The following GSDME variants were observed in gnomAD, a reference collection of about 807,000 sequenced individuals.
GSDME encodes the protein gasdermin E, also known as gasdermin-E.
Under a neutral mutation model 47.5 loss-of-function variants are expected in GSDME, and 44 were observed. That is an observed-to-expected ratio of 0.93 (90% CI 0.73 to 1.19). The LOEUF is 1.19. Ranked by LOEUF, GSDME falls within the 50% of genes most tolerant of loss-of-function variation. The pLI, the probability that GSDME is intolerant of heterozygous loss-of-function variation, is 0.00. For missense variants in GSDME, 663 were observed against 604.2 expected, an observed-to-expected ratio of 1.10 and a Z score of -1.02; for synonymous variants, 258 against 252.8, an observed-to-expected ratio of 1.02 and a Z score of -0.20.
At chr7:24,770,127 G>A in the GSDME span, among the ~76,000 whole-genome samples, 1 of 152,330 alleles carries the variant, frequency 6.6e-6, no homozygotes, top group South Asian at 2.1e-4. The surrounding 1 kb of genome is among the most constrained non-coding windows in gnomAD (Gnocchi z 4.6). Flanking sequence ...CCAAGCCCCA[G>A]GGAGGGAAAA....
chr7:24,784,158 G>A, the GSDME span, among the ~76,000 whole-genome samples: 1 of 152,184 alleles, frequency 6.6e-6, no homozygotes, highest in Non-Finnish European at 1.5e-5. Context: ...TCAGGTGTGT[G>A]TTTCTTGGAA....
the GSDME span, among the ~76,000 whole-genome samples, chr7:24,769,498 G>T: frequency 6.6e-6 from 1 of 152,246 alleles, no homozygotes; most frequent in South Asian, 2.1e-4. Context: ...AACGATTGGG[G>T]TTTTATCAGA....
intron 4 of GSDME, among the ~76,000 whole-genome samples, chr7:24,718,246 C>T (rs1789642780): frequency 6.6e-6 from 1 of 152,220 alleles, no homozygotes; most frequent in Non-Finnish European, 1.5e-5. Context: ...ATACAACTTT[C>T]TGAGTTCCTC....
intron 2 of GSDME, among the ~76,000 whole-genome samples, chr7:24,746,110 C>A (rs1022809275): frequency 1.3e-5 from 2 of 152,184 alleles, no homozygotes; most frequent in African/African-American, 2.4e-5. Flanking sequence ...AAAACCCACT[C>A]CTCAACCAGG....
intron 3 of GSDME, among the ~76,000 whole-genome samples, chr7:24,722,434 A>G (rs1011834584): frequency 6.6e-6 from 1 of 152,208 alleles, no homozygotes; most frequent in African/African-American, 2.4e-5. Flanking sequence ...CAGAACATAC[A>G]TTCAACTGTT....
intron 7 of GSDME, chr7:24,707,802 A>C (rs1789176726): frequency 1.9e-6 from 1 of 520,330 alleles, no homozygotes; most frequent in Admixed American, 3.4e-5. Context: ...AAGGCAGCAG[A>C]ATTCTCTCCT....
chr7:24,715,198 G>C (rs979287772), intron 5 of GSDME, among the ~76,000 whole-genome samples: 2 of 152,136 alleles, frequency 1.3e-5, no homozygotes, highest in Non-Finnish European at 2.9e-5. Flanking sequence ...GTGGTTGCCA[G>C]GTGCTGGGAG....
chr7:24,702,003 T>A (rs1788887992), intron 9 of GSDME, among the ~76,000 whole-genome samples: 1 of 152,210 alleles, frequency 6.6e-6, no homozygotes, highest in Admixed American at 6.5e-5. Flanking sequence ...TGAGAGATGA[T>A]CCTTTGGGCC....
At chr7:24,700,668 C>T (rs934047347) in intron 9 of GSDME, among the ~76,000 whole-genome samples, 1 of 152,132 alleles carries the variant, frequency 6.6e-6, no homozygotes, top group Non-Finnish European at 1.5e-5. Context: ...GTAGATTCGC[C>T]AAATACAACT....
rs1328044170 is a variant in GSDME, at chr7:24,733,678, G to T, written c.404+10884C>A. The stretch of plus-strand genomic sequence containing the variant: ...GGGCCTGTAGTGCTGGTGGACATGG[G>T]TGAGAGTCCTCTGCCTGGGGAAAGG... On this transcript the variant is annotated intron_variant, in intron 3 of 9. Coordinates refer to ENST00000645220, the MANE Select transcript of GSDME (RefSeq NM_001127453.2). The surrounding 1 kb of genome is among the most constrained non-coding windows in gnomAD (Gnocchi z 4.3). Among the ~76,000 whole-genome samples, 1 of 152,178 alleles carries T rather than the reference G, an allele frequency of 6.6e-6. No individual in the cohort carries two copies. Among genetic ancestry groups the T allele is most frequent in the African/African-American group, 2.4e-5 (1 of 41,448 alleles).
At chr7:24,785,161 T>G in the GSDME span, among the ~76,000 whole-genome samples, 33 of 152,322 alleles carry the variant, frequency 2.2e-4, no homozygotes, top group African/African-American at 7.5e-4. Context: ...GCTACGCCCA[T>G]TCATGTACTT....
upstream of GSDME, chr7:24,757,729 G>C (rs1791090533): frequency 6.6e-6 from 1 of 152,282 alleles, no homozygotes; most frequent in South Asian, 2.1e-4. This position sits in a 1 kb window ranked among gnomAD's most constrained non-coding sequence, Gnocchi z 5.9. Context: ...GGGGCCTCTC[G>C]GGAAGAGTGG....
In GSDME at chr7:24,724,190, T is replaced by C. The variant is rs1053260372; in HGVS notation, c.405-4972A>G. On this transcript the variant is annotated intron_variant, in intron 3 of 9. Coordinates refer to ENST00000645220, the MANE Select transcript of GSDME (RefSeq NM_001127453.2). The surrounding 1 kb of genome is among the most constrained non-coding windows in gnomAD (Gnocchi z 4.8). ...GCCCAGTTCCAAAAAAAAAAAAAAGTATTTTAAAAAAAGGCCTTCTGGACA... is the reference window on the plus strand; with the variant it reads ...GCCCAGTTCCAAAAAAAAAAAAAAGCATTTTAAAAAAAGGCCTTCTGGACA... 1.9e-4 allele frequency among the ~76,000 whole-genome samples: 28 copies of C among 146,046 alleles called. No individual in the cohort carries two copies. The South Asian group carries it at 4.5e-3, about 24-fold the overall frequency.
At position 24,754,315 on chromosome 7, in the gene GSDME, C is replaced by T. The variant is rs1440302892; in HGVS notation, c.-20+3081G>A. 6.6e-6 allele frequency among the ~76,000 whole-genome samples: 1 copy of T among 152,026 alleles called. No homozygotes were observed. Among genetic ancestry groups the T allele is most frequent in the Admixed American group, 6.5e-5 (1 of 15,270 alleles). On this transcript the variant is annotated intron_variant, in intron 1 of 9. Coordinates refer to ENST00000645220, the MANE Select transcript of GSDME (RefSeq NM_001127453.2). This position sits in a 1 kb window ranked among gnomAD's most constrained non-coding sequence, Gnocchi z 5.0. ...CAGCCTGGCCCAACATGGTGAAACCCGGTCTGTACTAAAAATACAAAAATT... is the reference window on the plus strand; with the variant it reads ...CAGCCTGGCCCAACATGGTGAAACCTGGTCTGTACTAAAAATACAAAAATT...
chr7:24,760,237 G>A (rs1238392247), upstream of GSDME, among the ~76,000 whole-genome samples: 2 of 152,158 alleles, frequency 1.3e-5, no homozygotes, highest in African/African-American at 4.8e-5. This position sits in a 1 kb window ranked among gnomAD's most constrained non-coding sequence, Gnocchi z 4.2. Context: ...AATACGCAAA[G>A]GGCAGCAAAA....
At chr7:24,792,054 C>T in the GSDME span, among the ~76,000 whole-genome samples, 1 of 152,222 alleles carries the variant, frequency 6.6e-6, no homozygotes, top group South Asian at 2.1e-4. Flanking sequence ...GACTGGAGGA[C>T]TACCTTAGTG....
chr7:24,734,766 A>G (rs1790249023), intron 3 of GSDME, among the ~76,000 whole-genome samples: 1 of 152,042 alleles, frequency 6.6e-6, no homozygotes, highest in African/African-American at 2.4e-5. Context: ...AAAGAAAAAA[A>G]GAATGAAAAA....
chr7:24,755,169 T>C (rs888847471), intron 1 of GSDME, among the ~76,000 whole-genome samples: 1 of 152,196 alleles, frequency 6.6e-6, no homozygotes, highest in African/African-American at 2.4e-5. Flanking sequence ...CCATGAATAA[T>C]GGCACAGAGC....
chr7:24,707,118 A>G (rs2128048197), intron 7 of GSDME, among the ~76,000 whole-genome samples: 1 of 152,360 alleles, frequency 6.6e-6, no homozygotes, highest in South Asian at 2.1e-4. Context: ...GGACTGTTTC[A>G]ATAACAGGTT....
Sources: allele counts gnomAD v4.1 joint callset (sites outside exome capture counted in the v4.1 genomes callset), GRCh38; gene constraint gnomAD v4.1.1; non-coding constraint Gnocchi (gnomAD v3.1); transcripts MANE v1.5; gene names NCBI Gene and HGNC (gene_info 2026-07-23, HGNC 2026-07-21).